SPAG16: variants seen among roughly 807,000 people sequenced by gnomAD.
SPAG16 encodes sperm-associated antigen 16 protein.
SPAG16 carries 86 observed loss-of-function variants against 80.4 expected under a neutral mutation model. The ratio of observed to expected loss-of-function variants is 1.07; its 90% CI spans 0.90 to 1.28. The LOEUF (loss-of-function observed/expected upper bound fraction) is 1.28. Ranked by LOEUF, SPAG16 falls within the 50% of genes most tolerant of loss-of-function variation. The pLI is 0.00. For synonymous variants in SPAG16, 294 were observed against 265.9 expected (o/e 1.11, Z -1.03); for missense variants, 870 against 765.3 (o/e 1.14, Z -1.61).
intron 10 of SPAG16, among the ~76,000 whole-genome samples, chr2:213,558,875 C>T (rs542927954): frequency 5.2e-4 from 79 of 152,260 alleles, no homozygotes; most frequent in Middle Eastern, 3.4e-3. Flanking sequence ...TCTCCTCTCT[C>T]ATCTTTCCTG....
intron 10 of SPAG16, among the ~76,000 whole-genome samples, chr2:213,565,605 G>A (rs187462989): frequency 4.4e-4 from 67 of 152,328 alleles, no homozygotes; most frequent in Admixed American, 1.7e-3. Context: ...CTGGGTGGCT[G>A]AGCAGGAAGT....
intron 10 of SPAG16, among the ~76,000 whole-genome samples, chr2:213,614,574 G>A (rs547842716): frequency 6.6e-6 from 1 of 152,266 alleles, no homozygotes; most frequent in African/African-American, 2.4e-5. Context: ...GTGTTGTCCT[G>A]GGATAGTGGA....
intron 13 of SPAG16, among the ~76,000 whole-genome samples, chr2:214,084,520 G>T (rs1441475668): frequency 1.3e-5 from 2 of 152,144 alleles, no homozygotes; most frequent in Admixed American, 6.5e-5. Flanking sequence ...AACAGGTTTT[G>T]CTTTTCTCAC....
intron 13 of SPAG16, among the ~76,000 whole-genome samples, chr2:214,097,145 A>T (rs1402067585): frequency 6.6e-6 from 1 of 152,084 alleles, no homozygotes; most frequent in Admixed American, 6.6e-5. Context: ...TAGCCATAAT[A>T]GAGACAAGCA....
chr2:213,863,613 T>G (rs529461213), intron 11 of SPAG16, among the ~76,000 whole-genome samples: 1 of 152,082 alleles, frequency 6.6e-6, no homozygotes, highest in Non-Finnish European at 1.5e-5. Context: ...GTATCCAGTA[T>G]ATAAATTAAA....
chr2:214,214,066 A>T (rs1406448544), intron 15 of SPAG16, among the ~76,000 whole-genome samples: 1 of 152,050 alleles, frequency 6.6e-6, no homozygotes, highest in Non-Finnish European at 1.5e-5. Context: ...CATGTGTCCT[A>T]TACCCAGCCA....
chr2:214,039,564 T>A (rs1319384719), intron 13 of SPAG16, among the ~76,000 whole-genome samples: 1 of 152,200 alleles, frequency 6.6e-6, no homozygotes, highest in African/African-American at 2.4e-5. Context: ...GACAAAGGGC[T>A]AATATCCAGA....
intron 10 of SPAG16, among the ~76,000 whole-genome samples, chr2:213,697,416 G>A (rs1428867374): frequency 2.6e-5 from 4 of 152,122 alleles, no homozygotes; most frequent in Non-Finnish European, 5.9e-5. Flanking sequence ...CAATGTGATA[G>A]GCTGAATAAT....
intron 10 of SPAG16, among the ~76,000 whole-genome samples, chr2:213,587,547 A>G (rs922112978): frequency 5.9e-5 from 9 of 152,172 alleles, no homozygotes; most frequent in Admixed American, 4.6e-4. Context: ...CTTAGGGGCC[A>G]TTCTTTCATT....
chr2:213,785,483 C>T (rs80108862), intron 10 of SPAG16, among the ~76,000 whole-genome samples: 1,666 of 152,164 alleles, frequency 0.011, 27 homozygotes, highest in African/African-American at 0.037. Flanking sequence ...TTAGTTTTCT[C>T]ATTATCAGAC....
intron 10 of SPAG16, among the ~76,000 whole-genome samples, chr2:213,532,431 T>C: frequency 6.6e-6 from 1 of 152,016 alleles, no homozygotes; most frequent in East Asian, 1.9e-4. Context: ...GTTTATTTCT[T>C]GAAAGTTTCT....
intron 10 of SPAG16, among the ~76,000 whole-genome samples, chr2:213,782,253 GT>G (rs1038509220): frequency 6.6e-6 from 1 of 151,698 alleles, no homozygotes; most frequent in African/African-American, 2.4e-5. Context: ...GGAAGAAACT[GT>G]TTTTTAGTGT....
At chr2:213,735,950 A>G (rs2888241) in intron 10 of SPAG16, among the ~76,000 whole-genome samples, 140,769 of 152,222 alleles carry the variant, frequency 0.92, 66,132 homozygotes, top group East Asian at 1. Context: ...AATGACAGGC[A>G]GAGATACCAC....
At chr2:214,227,034 G>A (rs2058712941) in intron 15 of SPAG16, among the ~76,000 whole-genome samples, 1 of 152,042 alleles carries the variant, frequency 6.6e-6, no homozygotes, top group South Asian at 2.1e-4. Flanking sequence ...TAGCACACTA[G>A]TCCAGAAAAT....
chr2:214,000,512 C>T (rs1243369769), intron 12 of SPAG16, among the ~76,000 whole-genome samples: 1 of 152,040 alleles, frequency 6.6e-6, no homozygotes, highest in Non-Finnish European at 1.5e-5. Context: ...GAAGATTTGT[C>T]GTTTCATTAA....
intron 10 of SPAG16, among the ~76,000 whole-genome samples, chr2:213,661,398 A>C (rs1304626383): frequency 6.6e-6 from 1 of 152,218 alleles, no homozygotes; most frequent in East Asian, 1.9e-4. Context: ...AGATACAACT[A>C]TTTTAATTAA....
Position 213,558,073 on chromosome 2 carries a change from A to G in SPAG16, c.1070+67983A>G, listed in dbSNP as rs151061279. ...GAGGAACAGATTAGATAGTGATCCAATGAATGAATACTTTATAAATCTTGT... is the reference window on the plus strand; with the variant it reads ...GAGGAACAGATTAGATAGTGATCCAGTGAATGAATACTTTATAAATCTTGT... On this transcript the variant is annotated intron_variant, in intron 10 of 15. Coordinates refer to ENST00000331683, the MANE Select transcript of SPAG16 (RefSeq NM_024532.5). 7.2e-5 allele frequency among the ~76,000 whole-genome samples: 11 copies of G among 152,292 alleles called. 1 individual carries two copies. Among genetic ancestry groups the G allele is most frequent in the African/African-American group, 2.6e-4 (11 of 41,564 alleles).
intron 6 of SPAG16, among the ~76,000 whole-genome samples, chr2:213,346,221 A>C (rs2064977436): frequency 1.3e-5 from 2 of 152,190 alleles, no homozygotes; most frequent in Admixed American, 1.3e-4. Context: ...TGATTTTTGC[A>C]CATTGATTTT....
rs187011980 is a variant in SPAG16 at position 214,068,714 on chromosome 2, A to G, written c.1528-39482A>G. Reference sequence around the variant, plus strand: ...GATGACTGGCAATTATAAAAGCTGAATTTTTAATATGCATACATCCAAGGA... The same window carrying G: ...GATGACTGGCAATTATAAAAGCTGAGTTTTTAATATGCATACATCCAAGGA... On this transcript the variant is annotated intron_variant, in intron 13 of 15. Transcript: ENST00000331683. Among the ~76,000 whole-genome samples, 75 of 152,240 alleles carry G rather than the reference A, an allele frequency of 4.9e-4. 2 individuals are homozygous for G. The highest frequency in any genetic ancestry group is 3.5e-3 in the Admixed American group (53 of 15,264).
Sources: allele counts gnomAD v4.1 joint callset (sites outside exome capture counted in the v4.1 genomes callset), GRCh38; gene constraint gnomAD v4.1.1; transcripts MANE v1.5; gene names NCBI Gene and HGNC (gene_info 2026-07-23, HGNC 2026-07-21).